Variants in AGAP1 observed in about 807,000 individuals in gnomAD.
AGAP1 encodes ArfGAP with GTPase domain, ankyrin repeat and PH domain 1.
Under a neutral mutation model 105.3 loss-of-function variants are expected in AGAP1, and 29 were observed. The ratio of observed to expected loss-of-function variants is 0.28; its 90% CI spans 0.21 to 0.38. The LOEUF is 0.38. Ranked by LOEUF, AGAP1 falls within the 10% of genes least tolerant of loss-of-function variation. The probability of loss-of-function intolerance (pLI) is 1.00; values close to 1 mark genes in which losing one functional copy is unlikely to be tolerated. For synonymous variants in AGAP1, 509 were observed against 485.9 expected (o/e 1.05, Z -0.63); for missense variants, 998 against 1,165.1 (o/e 0.86, Z 2.09).
At chr2:236,084,044 A>G (rs1251395285) in intron 16 of AGAP1, among the ~76,000 whole-genome samples, 1 of 152,202 alleles carries the variant, frequency 6.6e-6, no homozygotes, top group Non-Finnish European at 1.5e-5. Flanking sequence ...GAAGACTCAC[A>G]AAGTCTGGAG....
At chr2:235,826,639 G>A (rs570665896) in intron 9 of AGAP1, among the ~76,000 whole-genome samples, 6 of 152,046 alleles carry the variant, frequency 3.9e-5, no homozygotes, top group Admixed American at 1.3e-4. Flanking sequence ...TAGTAGAGAC[G>A]GGGTTTTACC....
chr2:235,924,036 T>G (rs773733030), intron 11 of AGAP1, among the ~76,000 whole-genome samples: 1 of 152,110 alleles, frequency 6.6e-6, no homozygotes, highest in Non-Finnish European at 1.5e-5. Flanking sequence ...AAGTTTGCCG[T>G]GGAGAGTGAC....
intron 13 of AGAP1, among the ~76,000 whole-genome samples, chr2:236,017,132 TA>T (rs899639321): frequency 3.1e-4 from 45 of 144,142 alleles, no homozygotes; most frequent in South Asian, 1.6e-3. Context: ...CTACTAAAAA[TA>T]AAAAAAAAAA....
chr2:235,575,257 T>C (rs1574881820), intron 1 of AGAP1, among the ~76,000 whole-genome samples: 1 of 152,228 alleles, frequency 6.6e-6, no homozygotes, highest in Non-Finnish European at 1.5e-5. Flanking sequence ...GTTTCCAAAA[T>C]TCCTAAATTA....
chr2:235,687,095 G>A (rs1409547966), intron 1 of AGAP1, among the ~76,000 whole-genome samples: 1 of 152,122 alleles, frequency 6.6e-6, no homozygotes, highest in Admixed American at 6.6e-5. Flanking sequence ...AGGTGGGCGG[G>A]AGCTGATAAC....
In AGAP1 at chr2:236,101,877, G is replaced by T. The variant is rs529596036; in HGVS notation, c.2115-18315G>T. Among the ~76,000 whole-genome samples, 1 of 152,282 alleles carries T rather than the reference G, an allele frequency of 6.6e-6. No homozygotes were observed. The highest frequency in any genetic ancestry group is 2.1e-4 in the South Asian group (1 of 4,832). ...AACAGTAGTTCACATTTTTTCTAAT[G>T]GTGAAGTACAGAAACTTCCATTCTG... On this transcript the variant is annotated intron_variant, in intron 16 of 17. Coordinates refer to ENST00000304032, the MANE Select transcript of AGAP1 (RefSeq NM_001037131.3). This position sits in a 1 kb window ranked among gnomAD's most constrained non-coding sequence, Gnocchi z 4.9.
At chr2:235,876,061 A>AG (rs976436299) in intron 9 of AGAP1, among the ~76,000 whole-genome samples, 4 of 152,200 alleles carry the variant, frequency 2.6e-5, no homozygotes, top group Admixed American at 6.5e-5. Context: ...ACTTGTTTCC[A>AG]GGGTAAGGGG....
chr2:236,082,653 C>G lies in AGAP1; in HGVS notation c.2114+33372C>G, dbSNP rs768418399. 6.6e-6 allele frequency among the ~76,000 whole-genome samples: 1 copy of G among 152,238 alleles called. No individual in the cohort carries two copies. Among genetic ancestry groups the G allele is most frequent in the Non-Finnish European group, 1.5e-5 (1 of 68,048 alleles). On this transcript the variant is annotated intron_variant, in intron 16 of 17. Transcript: ENST00000304032. This position sits in a 1 kb window ranked among gnomAD's most constrained non-coding sequence, Gnocchi z 4.2. Reference sequence around the variant, plus strand: ...CTTTGGGAGGCCAAGACGGGTGGATCACCTGAGGCCAGGAGTTTGAGACCA... The same window carrying G: ...CTTTGGGAGGCCAAGACGGGTGGATGACCTGAGGCCAGGAGTTTGAGACCA...
In AGAP1 at chr2:235,744,911, T is replaced by A; in HGVS notation, c.538+72T>A. 1 of 1,541,452 alleles carries A rather than the reference T, an allele frequency of 6.5e-7. No individual in the cohort carries two copies. The highest frequency in any genetic ancestry group is 1.2e-5 in the South Asian group (1 of 80,154). ...TACATATTTTCAGTATGGAGGAGTT[T>A]AAAAAATGCTTTAAAGAAGGAAAAA... is the stretch of plus-strand genomic sequence containing the variant. On this transcript the variant is annotated intron_variant, in intron 5 of 17. Coordinates refer to ENST00000304032, the MANE Select transcript of AGAP1 (RefSeq NM_001037131.3). This position sits in a 1 kb window ranked among gnomAD's most constrained non-coding sequence, Gnocchi z 5.2.
At chr2:235,722,857 T>C (rs1287008229) in intron 3 of AGAP1, among the ~76,000 whole-genome samples, 1 of 149,656 alleles carries the variant, frequency 6.7e-6, no homozygotes, top group Non-Finnish European at 1.5e-5. Context: ...GGGCCACACA[T>C]AAAATACACT....
chr2:235,589,189 G>GTTTTTTTTTTTTTT (rs1205771315), intron 1 of AGAP1, among the ~76,000 whole-genome samples: 2 of 54,926 alleles, frequency 3.6e-5, no homozygotes, highest in Non-Finnish European at 4.3e-5. Context: ...ATAGCTTATT[G>GTTTTTTTTTTTTTT]TTTTGTTTTT....
rs537239689 is a variant in AGAP1 at position 236,085,089 on chromosome 2, G to A, written c.2115-35103G>A. Reference sequence around the variant, plus strand: ...AAATTAGCCGGGTGTGGTGGTGTGCGCCTGTAATCCCAGCTACTCAGGAGG... The same window carrying A: ...AAATTAGCCGGGTGTGGTGGTGTGCACCTGTAATCCCAGCTACTCAGGAGG... On this transcript the variant is annotated intron_variant, in intron 16 of 17. Coordinates refer to ENST00000304032, the MANE Select transcript of AGAP1 (RefSeq NM_001037131.3). 9.2e-5 allele frequency among the ~76,000 whole-genome samples: 14 copies of A among 151,480 alleles called. 1 individual carries two copies. Among genetic ancestry groups the A allele is most frequent in the African/African-American group, 3.4e-4 (14 of 41,232 alleles).
In AGAP1 at chr2:236,020,648, T is replaced by C. The variant is rs1226994969; in HGVS notation, c.1646-15913T>C. ...CCTTGAAGGGTAATTGAAGAAGAAA[T>C]GAAGTGAAGCCTGTGAAGTGCTTCC... On this transcript the variant is annotated intron_variant, in intron 13 of 17. Transcript: ENST00000304032. The surrounding 1 kb of genome is among the most constrained non-coding windows in gnomAD (Gnocchi z 5.0). Among the ~76,000 whole-genome samples the C allele has an allele frequency of 6.6e-6, 1 of 152,100 alleles. No individual in the cohort carries two copies. The highest frequency in any genetic ancestry group is 1.5e-5 in the Non-Finnish European group (1 of 68,026).
At chr2:235,542,721 T>G (rs1176701788) in intron 1 of AGAP1, among the ~76,000 whole-genome samples, 1 of 152,188 alleles carries the variant, frequency 6.6e-6, no homozygotes, top group Non-Finnish European at 1.5e-5. Context: ...AAAAACTAGT[T>G]TGTTGTATTT....
chr2:235,497,770 G>GT (rs1363343692), intron 1 of AGAP1, among the ~76,000 whole-genome samples: 9 of 152,228 alleles, frequency 5.9e-5, no homozygotes, highest in Middle Eastern at 3.4e-3. Context: ...AATTTTTTCT[G>GT]TTTTTTTAGT....
chr2:235,552,211 G>A lies in AGAP1; in HGVS notation c.163+57362G>A, dbSNP rs1943837357. On this transcript the variant is annotated intron_variant, in intron 1 of 17. Transcript: ENST00000304032. This position sits in a 1 kb window ranked among gnomAD's most constrained non-coding sequence, Gnocchi z 5.9. ...CCGCGGTAGTCTGGACAGGGCTTCT[G>A]AGAACCACCTGCAGTTCTGCTTATT... Among the ~76,000 whole-genome samples, 1 of 152,192 alleles carries A rather than the reference G, an allele frequency of 6.6e-6. No homozygotes were observed. The highest frequency in any genetic ancestry group is 2.4e-5 in the African/African-American group (1 of 41,454).
intron 6 of AGAP1, among the ~76,000 whole-genome samples, chr2:235,759,369 C>T (rs79387330): frequency 6.6e-6 from 1 of 150,644 alleles, no homozygotes; most frequent in Non-Finnish European, 1.5e-5. Context: ...CGGGCTTTCA[C>T]CGTGTTAGCC....
In AGAP1 at chr2:235,942,591, C is replaced by T. The variant is rs1225473977; in HGVS notation, c.1483+11668C>T. 2.6e-5 allele frequency among the ~76,000 whole-genome samples: 4 copies of T among 151,730 alleles called. No homozygotes were observed. In the South Asian group the frequency reaches 6.2e-4, roughly 24 times the overall value. On this transcript the variant is annotated intron_variant, in intron 12 of 17. Transcript: ENST00000304032. The stretch of plus-strand genomic sequence containing the variant: ...ACTCAGGAGGCTGAGGCAGGAGAAT[C>T]GCTTGAACCCACAGAGGTTGCAGTG...
chr2:235,873,466 G>A (rs1161690268), intron 9 of AGAP1, among the ~76,000 whole-genome samples: 2 of 151,852 alleles, frequency 1.3e-5, no homozygotes, highest in Admixed American at 1.3e-4. Context: ...ACAATAGAGA[G>A]TTTTGTAGTT....
Sources: gnomAD v4.1 joint callset for allele counts (sites outside exome capture counted in the v4.1 genomes callset) on GRCh38, gnomAD v4.1.1 for gene constraint, Gnocchi (gnomAD v3.1) non-coding constraint, MANE v1.5 for transcripts, NCBI Gene and HGNC (gene_info 2026-07-23, HGNC 2026-07-21) for gene names.